Variants in BCR observed in about 807,000 individuals in gnomAD.
BCR encodes the protein BCR activator of RhoGEF and GTPase, also known as breakpoint cluster region protein.
In BCR, 58 loss-of-function variants were observed where a neutral mutation model predicts 138.6. That is an observed-to-expected ratio of 0.42 (90% CI 0.34 to 0.52). The LOEUF is 0.52. Among genes scored for constraint, BCR ranks in the 20% least tolerant of loss-of-function variants. The pLI is 0.06. For synonymous variants in BCR, 786 were observed against 730.1 expected (o/e 1.08, Z -1.23); for missense variants, 1,599 against 1,727.2 (o/e 0.93, Z 1.32).
chr22:23,261,102 C>T (rs758156437), intron 3 of BCR, 48 bp downstream of exon 3: 2 of 1,566,068 alleles, frequency 1.3e-6, no homozygotes, highest in South Asian at 1.1e-5. Flanking sequence ...GGCAGGGTGA[C>T]AGGGTTGGGG....
chr22:23,184,238 A>C (rs1289218679), intron 1 of BCR, among the ~76,000 whole-genome samples: 1 of 151,844 alleles, frequency 6.6e-6, no homozygotes, highest in African/African-American at 2.4e-5. Context: ...GGCTCAAACC[A>C]CTATACTGGG....
At chr22:23,199,483 T>C in intron 1 of BCR, 1 of 378,682 alleles carries the variant, frequency 2.6e-6, no homozygotes, top group Non-Finnish European at 5.2e-6. Context: ...TTTTCACTCC[T>C]CAGGAAGCTT....
chr22:23,262,941 A>G (rs538897508), intron 4 of BCR: 2 of 1,081,402 alleles, frequency 1.8e-6, no homozygotes, highest in South Asian at 6.5e-5. Context: ...GGGAGGCGGA[A>G]GCGTGGAGGA....
intron 1 of BCR, among the ~76,000 whole-genome samples, chr22:23,187,582 C>G (rs998414520): frequency 1.3e-5 from 2 of 151,960 alleles, no homozygotes; most frequent in Admixed American, 6.6e-5. Context: ...AATCTACCCA[C>G]CTCAGCCTCC....
chr22:23,290,592 T>A, intron 14 of BCR, 179 bp downstream of exon 14: 1 of 654,476 alleles, frequency 1.5e-6, no homozygotes, highest in Non-Finnish European at 2.7e-6. Flanking sequence ...GTGGAATTGT[T>A]TTTCCCGGAG....
rs1326598374 is a variant in BCR at position 23,292,015 on chromosome 22, C to T, written c.2783-526C>T. ...GCCCAGCCCACTCTTCTCCAGGCCT[C>T]GCCTCCCTCCCTTCCCCCTGCACCC... On this transcript the variant is annotated intron_variant, in intron 14 of 22. Coordinates refer to ENST00000305877, the MANE Select transcript of BCR (RefSeq NM_004327.4). 3.3e-5 allele frequency among the ~76,000 whole-genome samples: 5 copies of T among 152,310 alleles called. 1 individual carries two copies. In the East Asian group the frequency reaches 5.8e-4, roughly 18 times the overall value.
At chr22:23,184,524 T>C (rs563963696) in intron 1 of BCR, among the ~76,000 whole-genome samples, 1 of 152,272 alleles carries the variant, frequency 6.6e-6, no homozygotes, top group East Asian at 1.9e-4. Flanking sequence ...TCGGGAAATA[T>C]AGCAATTTCC....
intron 8 of BCR, among the ~76,000 whole-genome samples, chr22:23,274,301 T>TC (rs935984208): frequency 1.4e-4 from 21 of 152,070 alleles, no homozygotes; most frequent in South Asian, 6.2e-4. Context: ...TCCTTCCCCT[T>TC]CCCCCCCGTC....
At chr22:23,215,691 C>T (rs756293246) in intron 1 of BCR, among the ~76,000 whole-genome samples, 11 of 152,132 alleles carry the variant, frequency 7.2e-5, no homozygotes, top group Non-Finnish European at 1.2e-4. Flanking sequence ...GGCAGAGTGG[C>T]GGTAGGACAG....
At chr22:23,199,738 C>G (rs921331966) in intron 1 of BCR, among the ~76,000 whole-genome samples, 1 of 152,112 alleles carries the variant, frequency 6.6e-6, no homozygotes. Flanking sequence ...TCCCTGCTTT[C>G]AAGTCTGTGA....
At chr22:23,228,726 G>C (rs147534758) in intron 1 of BCR, among the ~76,000 whole-genome samples, 2 of 152,214 alleles carry the variant, frequency 1.3e-5, no homozygotes, top group Non-Finnish European at 2.9e-5. Context: ...CTACAGTTAC[G>C]TGAATCCTTA....
Position 23,287,161 on chromosome 22 carries a change from G to A in BCR, c.2409G>A (p.Arg803=). The A allele has an allele frequency of 6.3e-7, 1 of 1,577,946 alleles. No individual in the cohort carries two copies. The highest frequency in any genetic ancestry group is 8.6e-7 in the Non-Finnish European group (1 of 1,161,136). The part of the protein sequence containing the change: ...QIKNDIQREK[R]ANKGSKATER... ...GAGGCTGTGGCATCTCCCCACAGAGGGCGAACAAGGGCAGCAAGGCTACGG... is the reference window on the plus strand; with the variant it reads ...GAGGCTGTGGCATCTCCCCACAGAGAGCGAACAAGGGCAGCAAGGCTACGG... Residue 803 remains arginine, a splice_region_variant and synonymous_variant, in exon 11 of 23, where the codon AGG becomes AGA. Transcript: ENST00000305877.
chr22:23,264,029 C>A (rs779624476), intron 4 of BCR: 138 of 928,324 alleles, frequency 1.5e-4, no homozygotes, highest in Non-Finnish European at 2.3e-4. Flanking sequence ...TATATGAGTC[C>A]CCTTTCGCAC....
chr22:23,185,895 A>AT (rs1426884379), intron 1 of BCR, among the ~76,000 whole-genome samples: 1 of 151,316 alleles, frequency 6.6e-6, no homozygotes, highest in Non-Finnish European at 1.5e-5. Flanking sequence ...CACCCAGCTA[A>AT]TTTTTTTGTA....
At chr22:23,264,563 G>T in intron 4 of BCR, 1 of 462,896 alleles carries the variant, frequency 2.2e-6, no homozygotes. Flanking sequence ...CCAGGAACCT[G>T]TTGGAGAGGC....
intron 1 of BCR, among the ~76,000 whole-genome samples, chr22:23,218,168 TGC>T: frequency 6.6e-6 from 1 of 152,356 alleles, no homozygotes; most frequent in South Asian, 2.1e-4. Flanking sequence ...GTGGGGTTTG[TGC>T]TCTGACCTGA....
At chr22:23,246,099 C>T (rs570290024) in intron 1 of BCR, among the ~76,000 whole-genome samples, 2 of 152,060 alleles carry the variant, frequency 1.3e-5, no homozygotes, top group Admixed American at 6.5e-5. Flanking sequence ...AAGGTTCATC[C>T]GTGTTGTAGC....
intron 14 of BCR, 40 bp from the exon 15 acceptor site, chr22:23,292,492 TGATGTGGAA>T (rs2073799334): frequency 7.6e-7 from 1 of 1,311,478 alleles, no homozygotes. Flanking sequence ...ACCATGTGGG[TGATGTGGAA>T]AAGACCTGTG....
At chr22:23,247,636 G>T (rs2146261655) in intron 1 of BCR, among the ~76,000 whole-genome samples, 1 of 152,270 alleles carries the variant, frequency 6.6e-6, no homozygotes, top group East Asian at 1.9e-4. Context: ...TGGAGGATCT[G>T]GGGTCTCTCT....
Sources: allele counts gnomAD v4.1 joint callset (sites outside exome capture counted in the v4.1 genomes callset), GRCh38; gene constraint gnomAD v4.1.1; transcripts MANE v1.5; gene names NCBI Gene and HGNC (gene_info 2026-07-23, HGNC 2026-07-21).